The following CCDC102B variants were observed in gnomAD, a reference collection of about 807,000 sequenced individuals.
CCDC102B encodes coiled-coil domain-containing protein 102B.
CCDC102B carries 75 observed loss-of-function variants against 57.4 expected under a neutral mutation model. The ratio of observed to expected loss-of-function variants is 1.31; its 90% confidence interval spans 1.08 to 1.58. CCDC102B has a LOEUF of 1.58. Among genes scored for constraint, CCDC102B ranks in the 40% most tolerant of loss-of-function variants. The probability of loss-of-function intolerance (pLI) is 0.00; values close to 1 mark genes in which losing one functional copy is unlikely to be tolerated. For missense variants in CCDC102B, 636 were observed against 582.6 expected, an observed-to-expected ratio of 1.09 and a Z score of -0.94; for synonymous variants, 206 against 201.9, an observed-to-expected ratio of 1.02 and a Z score of -0.17.
chr18:69,006,165 A>T (rs1336683483), intron 6 of CCDC102B, among the ~76,000 whole-genome samples: 1 of 152,124 alleles, frequency 6.6e-6, no homozygotes, highest in Non-Finnish European at 1.5e-5. Context: ...TTCATTTTGG[A>T]TGCTTTCCAA....
chr18:68,739,968 T>A (rs1568226198), intron 2 of CCDC102B, among the ~76,000 whole-genome samples: 2 of 152,218 alleles, frequency 1.3e-5, no homozygotes, highest in Non-Finnish European at 2.9e-5. Flanking sequence ...GTATGACATA[T>A]GTTGAATTAA....
intron 1 of CCDC102B, among the ~76,000 whole-genome samples, chr18:68,805,147 A>G (rs756869024): frequency 6.6e-6 from 1 of 152,212 alleles, no homozygotes; most frequent in Non-Finnish European, 1.5e-5. Flanking sequence ...TTATAATTAC[A>G]TATCTTTTGT....
intron 7 of CCDC102B, among the ~76,000 whole-genome samples, chr18:69,033,813 G>A (rs1360169144): frequency 1.3e-5 from 2 of 151,762 alleles, no homozygotes; most frequent in Non-Finnish European, 2.9e-5. Context: ...ATTTTCACAT[G>A]CAATGTTAGA....
intron 2 of CCDC102B, chr18:68,734,715 T>A (rs541758872): frequency 8.9e-4 from 135 of 152,368 alleles, no homozygotes; most frequent in African/African-American, 3.1e-3. Flanking sequence ...ATTACTGTTC[T>A]CTAAATCTTA....
intron 7 of CCDC102B, among the ~76,000 whole-genome samples, chr18:69,025,361 A>G (rs1045523362): frequency 2.0e-5 from 3 of 152,236 alleles, no homozygotes; most frequent in Non-Finnish European, 4.4e-5. Context: ...AACTCAATGT[A>G]GAGCTCAGAG....
chr18:68,760,716 T>C (rs1326497953), intron 2 of CCDC102B, among the ~76,000 whole-genome samples: 1 of 152,024 alleles, frequency 6.6e-6, no homozygotes, highest in Non-Finnish European at 1.5e-5. Flanking sequence ...CGTAACAGGG[T>C]ATCCAGTGAA....
intron 4 of CCDC102B, among the ~76,000 whole-genome samples, chr18:68,857,328 TAA>T (rs1214001228): frequency 7.1e-5 from 5 of 70,348 alleles, no homozygotes; most frequent in African/African-American, 2.1e-4. Flanking sequence ...ATTATATATA[TAA>T]AATATATATT....
chr18:68,869,112 GAC>G, intron 4 of CCDC102B, among the ~76,000 whole-genome samples: 1 of 152,174 alleles, frequency 6.6e-6, no homozygotes, highest in East Asian at 1.9e-4. Flanking sequence ...AAGGGAAAAA[GAC>G]AGTGAATTTG....
intron 6 of CCDC102B, among the ~76,000 whole-genome samples, chr18:68,917,391 G>A (rs1018497355): frequency 6.6e-6 from 1 of 152,136 alleles, no homozygotes; most frequent in African/African-American, 2.4e-5. Context: ...TACACGTACT[G>A]TGGAAACTGC....
intron 2 of CCDC102B, among the ~76,000 whole-genome samples, chr18:68,770,947 T>C (rs1301983585): frequency 6.6e-6 from 1 of 152,186 alleles, no homozygotes; most frequent in Non-Finnish European, 1.5e-5. Context: ...TATGGTAAAA[T>C]ACCAAATACT....
At chr18:69,049,816 A>ATTT (rs60818982) in intron 7 of CCDC102B, among the ~76,000 whole-genome samples, 1,916 of 147,452 alleles carry the variant, frequency 0.013, 41 homozygotes, top group African/African-American at 0.045. Context: ...TTTTCATTGC[A>ATTT]TTTTTTTTTT....
intron 2 of CCDC102B, among the ~76,000 whole-genome samples, chr18:68,720,510 T>C (rs2145183779): frequency 6.6e-6 from 1 of 152,320 alleles, no homozygotes; most frequent in South Asian, 2.1e-4. Context: ...AAGCGTTCTA[T>C]GCACATGAAC....
At chr18:68,854,075 C>A (rs2038266856) in intron 4 of CCDC102B, among the ~76,000 whole-genome samples, 1 of 141,928 alleles carries the variant, frequency 7.0e-6, no homozygotes, top group Admixed American at 7.6e-5. Flanking sequence ...TTTATGTTAG[C>A]ATAATACTTT....
intron 4 of CCDC102B, among the ~76,000 whole-genome samples, chr18:68,855,681 T>C (rs2038350804): frequency 6.6e-6 from 1 of 152,204 alleles, no homozygotes; most frequent in Admixed American, 6.5e-5. Flanking sequence ...GCTGTAGATT[T>C]GCCTGTTCTG....
At chr18:68,840,269 A>G (rs796823046) in intron 3 of CCDC102B, among the ~76,000 whole-genome samples, 1 of 152,162 alleles carries the variant, frequency 6.6e-6, no homozygotes, top group African/African-American at 2.4e-5. Context: ...ATATAAGTAT[A>G]TATTATATAA....
At chr18:68,929,845 TA>T (rs899926203) in intron 6 of CCDC102B, among the ~76,000 whole-genome samples, 131 of 147,244 alleles carry the variant, frequency 8.9e-4, no homozygotes, top group African/African-American at 3.2e-3. Flanking sequence ...CACACACACA[TA>T]TATATATGCC....
At chr18:68,741,964 C>T (rs374774107) in intron 2 of CCDC102B, among the ~76,000 whole-genome samples, 10 of 152,160 alleles carry the variant, frequency 6.6e-5, no homozygotes, top group South Asian at 2.1e-4. Context: ...AGGAGGAAAA[C>T]GGAGACGTGA....
intron 2 of CCDC102B, among the ~76,000 whole-genome samples, chr18:68,771,743 T>C (rs1261434799): frequency 6.6e-6 from 1 of 152,046 alleles, no homozygotes; most frequent in Non-Finnish European, 1.5e-5. Context: ...TTGCCTTGAA[T>C]TGGGAAAAAT....
At chr18:69,025,674 G>A (rs59556874) in intron 7 of CCDC102B, among the ~76,000 whole-genome samples, 2,716 of 152,172 alleles carry the variant, frequency 0.018, 85 homozygotes, top group African/African-American at 0.06. Context: ...GAATAGCTCC[G>A]GAAAGGGAAA....
Sources: gnomAD v4.1 joint callset for allele counts (sites outside exome capture counted in the v4.1 genomes callset) on GRCh38, gnomAD v4.1.1 for gene constraint, MANE v1.5 for transcripts, NCBI Gene and HGNC (gene_info 2026-07-23, HGNC 2026-07-21) for gene names.